The following SCFD2 variants were observed in gnomAD, a reference collection of about 807,000 sequenced individuals.
SCFD2 encodes sec1 family domain containing 2.
A neutral mutation model predicts 58.9 loss-of-function variants in SCFD2; 54 were observed. That is an observed-to-expected ratio of 0.92 (90% CI 0.74 to 1.15). SCFD2 has a LOEUF of 1.15. Ranked by LOEUF, SCFD2 falls within the 50% of genes most tolerant of loss-of-function variation. The probability of loss-of-function intolerance (pLI) is 0.00; values close to 1 mark genes in which losing one functional copy is unlikely to be tolerated. For synonymous variants in SCFD2, 321 were observed against 335.9 expected, an observed-to-expected ratio of 0.96 and a Z score of 0.49; for missense variants, 805 against 836.6, an observed-to-expected ratio of 0.96 and a Z score of 0.47.
Position 53,354,210 on chromosome 4 carries a change from C to T in SCFD2, c.839-1444G>A, listed in dbSNP as rs566372159. Among the ~76,000 whole-genome samples the T allele has an allele frequency of 3.2e-3, 483 of 152,346 alleles. 2 individuals are homozygous for T. The highest frequency in any genetic ancestry group is 0.011 in the African/African-American group (458 of 41,594). ...GGTGGTGCTCGGGCATGGCGGGCTGCAGGTACCAAGCCCTGCCCCGCGGGG... is the reference window on the plus strand; with the variant it reads ...GGTGGTGCTCGGGCATGGCGGGCTGTAGGTACCAAGCCCTGCCCCGCGGGG... On this transcript the variant is annotated intron_variant, in intron 1 of 8. Transcript: ENST00000401642.
intron 5 of SCFD2, among the ~76,000 whole-genome samples, chr4:52,978,109 C>A (rs1721293277): frequency 2.6e-5 from 4 of 152,098 alleles, no homozygotes; most frequent in Admixed American, 1.3e-4. Context: ...TTGTTAATTA[C>A]TTGTGGAGAA....
intron 5 of SCFD2, among the ~76,000 whole-genome samples, chr4:52,972,576 T>C (rs1232374102): frequency 6.6e-6 from 1 of 152,166 alleles, no homozygotes; most frequent in East Asian, 1.9e-4. Flanking sequence ...TGGGAGACTT[T>C]AACACCCCAC....
chr4:53,038,695 T>G lies in SCFD2; in HGVS notation c.1561+106638A>C, dbSNP rs575502956. On this transcript the variant is annotated intron_variant, in intron 5 of 8. Coordinates refer to ENST00000401642, the MANE Select transcript of SCFD2 (RefSeq NM_152540.4). ...AAAAGAAGACATTTAAAGTTTTTTG[T>G]TTTTTTTTTTTTTAGACAGGGTGTT... 1.8e-4 allele frequency among the ~76,000 whole-genome samples: 25 copies of G among 139,164 alleles called. No individual in the cohort carries two copies. In the South Asian group the frequency reaches 5.7e-3, roughly 32 times the overall value. The allele number at this position is 139,164 out of a possible 152,430, so 91.3% of individuals were successfully genotyped here.
intron 2 of SCFD2, among the ~76,000 whole-genome samples, chr4:53,319,531 CT>C (rs1331849670): frequency 3.3e-5 from 4 of 122,952 alleles, no homozygotes; most frequent in African/African-American, 1.2e-4. Flanking sequence ...ATAGCCTCTA[CT>C]TTTTTTCTTT....
chr4:53,133,647 T>C (rs991890175), intron 5 of SCFD2, among the ~76,000 whole-genome samples: 7 of 152,242 alleles, frequency 4.6e-5, no homozygotes, highest in Non-Finnish European at 1.0e-4. Context: ...TTGTAGAATG[T>C]GGTCTTGTTT....
At chr4:53,029,792 C>T (rs573459297) in intron 5 of SCFD2, among the ~76,000 whole-genome samples, 2 of 152,300 alleles carry the variant, frequency 1.3e-5, no homozygotes, top group South Asian at 4.1e-4. Flanking sequence ...AAATGAACCT[C>T]AACTAACACT....
Position 53,258,941 on chromosome 4 carries a change from AC to A in SCFD2, c.1311+14884del, listed in dbSNP as rs1730743368. Among the ~76,000 whole-genome samples the A allele has an allele frequency of 1.3e-5, 2 of 152,108 alleles. 1 individual carries two copies. Among genetic ancestry groups the A allele is most frequent in the Admixed American group, 1.3e-4 (2 of 15,272 alleles). On this transcript the variant is annotated intron_variant, in intron 4 of 8. Transcript: ENST00000401642. The stretch of plus-strand genomic sequence containing the variant: ...TCTTGCAGGAGTAAGATGGTATCAC[AC>A]TGTGGTTTTGATAGGCATTTCCCTG...
chr4:53,344,077 T>C (rs528930798), intron 2 of SCFD2, among the ~76,000 whole-genome samples: 58 of 151,936 alleles, frequency 3.8e-4, no homozygotes, highest in African/African-American at 1.3e-3. Context: ...CTATTCAACA[T>C]AGTGTTGGAA....
At chr4:53,282,022 A>C (rs1731523674) in intron 3 of SCFD2, among the ~76,000 whole-genome samples, 1 of 152,194 alleles carries the variant, frequency 6.6e-6, no homozygotes, top group Non-Finnish European at 1.5e-5. Flanking sequence ...AAAATCAGTA[A>C]ATAGCATTTA....
intron 5 of SCFD2, among the ~76,000 whole-genome samples, chr4:53,082,382 A>T (rs1724173976): frequency 6.6e-6 from 1 of 152,144 alleles, no homozygotes; most frequent in African/African-American, 2.4e-5. Context: ...GATGATGATT[A>T]TTATAGCCAT....
chr4:53,250,661 A>C (rs1463111738), intron 4 of SCFD2, among the ~76,000 whole-genome samples: 1 of 152,252 alleles, frequency 6.6e-6, no homozygotes, highest in Non-Finnish European at 1.5e-5. Flanking sequence ...AAATAATGAA[A>C]TGAAGGCAGA....
At chr4:53,132,243 T>C (rs993289806) in intron 5 of SCFD2, among the ~76,000 whole-genome samples, 6 of 152,250 alleles carry the variant, frequency 3.9e-5, no homozygotes, top group African/African-American at 1.4e-4. Flanking sequence ...CAGTGTTTAG[T>C]AATATGTGCT....
intron 4 of SCFD2, among the ~76,000 whole-genome samples, chr4:53,167,899 T>G (rs1373327735): frequency 6.6e-6 from 1 of 152,232 alleles, no homozygotes; most frequent in Non-Finnish European, 1.5e-5. Context: ...TAGGGAGCCA[T>G]GTGCAAAATG....
At chr4:52,983,722 T>A (rs551839746) in intron 5 of SCFD2, among the ~76,000 whole-genome samples, 8 of 152,266 alleles carry the variant, frequency 5.3e-5, no homozygotes, top group African/African-American at 1.4e-4. Flanking sequence ...TGTCTAAAAC[T>A]GTGAAACCCA....
intron 5 of SCFD2, among the ~76,000 whole-genome samples, chr4:53,121,538 G>A (rs1477886571): frequency 2.6e-5 from 4 of 152,216 alleles, no homozygotes; most frequent in Non-Finnish European, 5.9e-5. Flanking sequence ...TTTCTGAGGC[G>A]TAGAAGGATA....
At chr4:52,946,496 C>T (rs1207404811) in intron 5 of SCFD2, among the ~76,000 whole-genome samples, 5 of 152,006 alleles carry the variant, frequency 3.3e-5, no homozygotes, top group African/African-American at 1.2e-4. Context: ...AGAGTTCCTT[C>T]TTAAGCAAAG....
At chr4:52,942,970 C>T (rs1720331368) in intron 5 of SCFD2, among the ~76,000 whole-genome samples, 1 of 150,050 alleles carries the variant, frequency 6.7e-6, no homozygotes, top group African/African-American at 2.4e-5. Flanking sequence ...TCATTAAGCA[C>T]AAGGGAATTT....
intron 5 of SCFD2, among the ~76,000 whole-genome samples, chr4:52,964,689 GAC>G (rs148501809): frequency 5.5e-4 from 82 of 148,632 alleles, no homozygotes; most frequent in Middle Eastern, 6.9e-3. Flanking sequence ...AAATGTGAGG[GAC>G]ACACACACAC....
intron 6 of SCFD2, among the ~76,000 whole-genome samples, chr4:52,910,065 C>A (rs1038051632): frequency 1.3e-5 from 2 of 152,154 alleles, no homozygotes; most frequent in African/African-American, 4.8e-5. Context: ...AATAATTGAC[C>A]TCTTCCTTGG....
Sources: gnomAD v4.1 joint callset for allele counts (sites outside exome capture counted in the v4.1 genomes callset) on GRCh38, gnomAD v4.1.1 for gene constraint, MANE v1.5 for transcripts, NCBI Gene and HGNC (gene_info 2026-07-23, HGNC 2026-07-21) for gene names.